Variants in ZC3H3 observed in about 807,000 individuals in gnomAD.
The protein encoded by ZC3H3 is zinc finger CCCH-type containing 3.
Under a neutral mutation model 77.3 loss-of-function variants are expected in ZC3H3, and 36 were observed. That is an observed-to-expected ratio of 0.47 (90% CI 0.36 to 0.61). ZC3H3 has a LOEUF of 0.61. ZC3H3 is among the 20% of genes least tolerant of loss of function. ZC3H3 has a pLI of 0.00. For synonymous variants in ZC3H3, 626 were observed against 555.2 expected, an observed-to-expected ratio of 1.13 and a Z score of -1.79; for missense variants, 1,331 against 1,312.2, an observed-to-expected ratio of 1.01 and a Z score of -0.22.
chr8:143,461,872 G>A (rs979584850), intron 9 of ZC3H3, among the ~76,000 whole-genome samples: 58 of 152,080 alleles, frequency 3.8e-4, no homozygotes, highest in Middle Eastern at 3.4e-3. Context: ...TGAAAGCTGC[G>A]CTGTGGTGCA....
intron 4 of ZC3H3, among the ~76,000 whole-genome samples, chr8:143,498,483 G>A (rs980105810): frequency 6.6e-6 from 1 of 152,146 alleles, no homozygotes; most frequent in Admixed American, 6.5e-5. Context: ...ACGGAGGCGA[G>A]GAAGGGCCGT....
At chr8:143,455,047 G>A (rs1441936633) in intron 9 of ZC3H3, among the ~76,000 whole-genome samples, 1 of 152,120 alleles carries the variant, frequency 6.6e-6, no homozygotes, top group Admixed American at 6.5e-5. Flanking sequence ...TGGGCGTGGT[G>A]GCTTACACCT....
At chr8:143,442,033 G>A (rs1020549284) in intron 9 of ZC3H3, among the ~76,000 whole-genome samples, 2 of 152,148 alleles carry the variant, frequency 1.3e-5, no homozygotes, top group African/African-American at 4.8e-5. Context: ...CTCGTGGGGT[G>A]CCACAGCCTT....
At chr8:143,452,292 C>T (rs1257591394) in intron 9 of ZC3H3, among the ~76,000 whole-genome samples, 2 of 152,178 alleles carry the variant, frequency 1.3e-5, no homozygotes, top group Admixed American at 1.3e-4. Flanking sequence ...GGAACTCCTT[C>T]CCCCAAGGCA....
chr8:143,439,998 G>C (rs113061376), intron 11 of ZC3H3, 43 bp downstream of exon 11: 4 of 1,447,884 alleles, frequency 2.8e-6, no homozygotes, highest in East Asian at 5.1e-5. Flanking sequence ...TGAATCCTTG[G>C]TGAGGGGGGC....
intron 3 of ZC3H3, among the ~76,000 whole-genome samples, chr8:143,534,628 A>ACCCT (rs1822732616): frequency 1.3e-5 from 2 of 152,024 alleles, no homozygotes; most frequent in Non-Finnish European, 2.9e-5. Context: ...GGCCTCCCAG[A>ACCCT]GCTGGACACC....
chr8:143,490,329 C>T (rs1821167329), intron 4 of ZC3H3, among the ~76,000 whole-genome samples: 1 of 152,232 alleles, frequency 6.6e-6, no homozygotes, highest in Admixed American at 6.5e-5. Flanking sequence ...TAAGGACTCC[C>T]ACCCCCAACA....
intron 3 of ZC3H3, among the ~76,000 whole-genome samples, chr8:143,531,859 C>G (rs771708166): frequency 6.6e-6 from 1 of 152,154 alleles, no homozygotes; most frequent in Admixed American, 6.5e-5. Flanking sequence ...CTCTTTCGCA[C>G]GGGTAAATGT....
In ZC3H3 at chr8:143,439,586, G is replaced by C. The variant is rs551404732; in HGVS notation, c.2815+455C>G. Among the ~76,000 whole-genome samples, 4 of 152,348 alleles carry C rather than the reference G, an allele frequency of 2.6e-5. No homozygotes were observed. In the East Asian group the frequency reaches 7.7e-4, roughly 29 times the overall value. The stretch of plus-strand genomic sequence containing the variant: ...TCTGTTCTCTCCAGGAGTGCGTGGT[G>C]ATCTTCCAGAACAAATTAACAGAAA... On this transcript the variant is annotated intron_variant, in intron 11 of 11. Coordinates refer to ENST00000262577, the MANE Select transcript of ZC3H3 (RefSeq NM_015117.3).
intron 9 of ZC3H3, among the ~76,000 whole-genome samples, chr8:143,445,921 C>G (rs11777600): frequency 6.6e-6 from 1 of 151,862 alleles, no homozygotes; most frequent in Non-Finnish European, 1.5e-5. Flanking sequence ...AGCTGAAATT[C>G]GTTCTAAAAA....
chr8:143,518,530 A>G (rs1232143569), intron 3 of ZC3H3, among the ~76,000 whole-genome samples: 2 of 151,998 alleles, frequency 1.3e-5, no homozygotes, highest in African/African-American at 4.8e-5. Flanking sequence ...GGCTGCCAGG[A>G]CTCCCCGGCC....
At chr8:143,464,921 C>G (rs1446071126) in intron 9 of ZC3H3, among the ~76,000 whole-genome samples, 2 of 152,054 alleles carry the variant, frequency 1.3e-5, no homozygotes, top group Non-Finnish European at 2.9e-5. Flanking sequence ...GCGTGAGAGG[C>G]TGGGGTAGAG....
At chr8:143,443,369 G>C in intron 9 of ZC3H3, among the ~76,000 whole-genome samples, 1 of 150,680 alleles carries the variant, frequency 6.6e-6, no homozygotes, top group East Asian at 1.9e-4. Context: ...AAATATACAA[G>C]GAAACACACT....
At chr8:143,537,297 A>G (rs528731878) in intron 2 of ZC3H3, among the ~76,000 whole-genome samples, 16 of 152,248 alleles carry the variant, frequency 1.1e-4, no homozygotes, top group African/African-American at 3.9e-4. Context: ...CCTAACACCA[A>G]TCTGCTCGCC....
rs761410773 is a variant in ZC3H3, at chr8:143,441,057, C to T, written c.2371G>A (p.Ala791Thr). ...FARRGACPRG[A>T]QCQLLHRTQK... ...GTACGGTGGAGCAGCTGGCACTGGG[C>T]GCCGCGGGGACACGCCCCCCTGCGG... The change falls in exon 10 of 12, where the codon GCC (alanine) becomes ACC (threonine). Residue 791 changes from alanine (A) to threonine (T), a missense_variant. Transcript: ENST00000262577. 29 of 1,477,858 alleles carry T rather than the reference C, an allele frequency of 2.0e-5. No individual in the cohort carries two copies. In the Admixed American group the frequency reaches 4.1e-4, roughly 21 times the overall value. The allele number at this position is 1,477,858 out of a possible 1,614,324, so 91.5% of individuals were successfully genotyped here.
intron 9 of ZC3H3, among the ~76,000 whole-genome samples, chr8:143,463,573 G>A (rs1820324531): frequency 6.6e-6 from 1 of 152,220 alleles, no homozygotes; most frequent in Non-Finnish European, 1.5e-5. Context: ...AGACACAGCT[G>A]GCTATTAAGA....
chr8:143,456,745 G>A (rs1388425389), intron 9 of ZC3H3, among the ~76,000 whole-genome samples: 2 of 152,158 alleles, frequency 1.3e-5, no homozygotes, highest in East Asian at 1.9e-4. Context: ...GTGCATGCCT[G>A]TAGTCCTAGC....
chr8:143,440,156 T>A lies in ZC3H3; in HGVS notation c.2700A>T (p.Ala900=). The A allele has an allele frequency of 6.2e-7, 1 of 1,612,098 alleles. No homozygotes were observed. The highest frequency in any genetic ancestry group is 8.5e-7 in the Non-Finnish European group (1 of 1,179,746). The part of the protein sequence containing the change: ...APSLQEAALA[A]ACSNRLCKLP... ...GCTTGCAGAGCCTGTTGGAGCACGC[T>A]GCTGCTAAGGCAGCCTCCTGGAGAG... Residue 900 remains alanine, a synonymous_variant, in exon 11 of 12, where the codon GCA becomes GCT. Transcript: ENST00000262577.
chr8:143,499,897 C>G lies in ZC3H3; in HGVS notation c.1715+7849G>C, dbSNP rs753705779. ...CTGGAGCCACACCGGCCCTCACAGC[C>G]CAGGAGGCCCGCAGCAGTGCCGCCT... is the stretch of plus-strand genomic sequence containing the variant. On this transcript the variant is annotated intron_variant, in intron 4 of 11. Coordinates refer to ENST00000262577, the MANE Select transcript of ZC3H3 (RefSeq NM_015117.3). Among the ~76,000 whole-genome samples, 162 of 152,210 alleles carry G rather than the reference C, an allele frequency of 1.1e-3. 1 individual carries two copies. The highest frequency in any genetic ancestry group is 1.9e-3 in the Non-Finnish European group (128 of 68,022).
Sources: allele counts gnomAD v4.1 joint callset (sites outside exome capture counted in the v4.1 genomes callset), GRCh38; gene constraint gnomAD v4.1.1; transcripts MANE v1.5; gene names NCBI Gene and HGNC (gene_info 2026-07-23, HGNC 2026-07-21).